SNX30: variants seen among roughly 807,000 people sequenced by gnomAD.
SNX30 encodes sorting nexin-30.
A neutral mutation model predicts 46.4 loss-of-function variants in SNX30; 24 were observed. The ratio of observed to expected loss-of-function variants is 0.52; its 90% confidence interval spans 0.37 to 0.73. The LOEUF is 0.73. SNX30 is among the 30% of genes least tolerant of loss of function. The pLI is 0.00. For missense variants in SNX30, 533 were observed against 555.7 expected, an observed-to-expected ratio of 0.96 and a Z score of 0.41; for synonymous variants, 189 against 211.5, an observed-to-expected ratio of 0.89 and a Z score of 0.92.
At chr9:112,854,469 T>C (rs1249929809) in intron 7 of SNX30, among the ~76,000 whole-genome samples, 1 of 152,236 alleles carries the variant, frequency 6.6e-6, no homozygotes, top group Non-Finnish European at 1.5e-5. Flanking sequence ...TGAAAATGAC[T>C]AGTCCGTCCT....
chr9:112,869,273 G>T lies in SNX30; in HGVS notation c.*430G>T, dbSNP rs879552196. ...GAACAGAAGGCAGCTGCTGCTTTCT[G>T]TGGAAACCTGGCCCCTCTGGAATTG... On this transcript the variant is annotated 3_prime_UTR_variant, in exon 9 of 9. Transcript: ENST00000374232. 9.7e-6 allele frequency: 2 copies of T among 205,586 alleles called. No homozygotes were observed. The highest frequency in any genetic ancestry group is 2.3e-5 in the African/African-American group (1 of 43,870). 12.7% of individuals were successfully genotyped at this position (205,586 alleles called of 1,614,324 possible).
chr9:112,844,835 T>G (rs2131470373), intron 6 of SNX30, among the ~76,000 whole-genome samples: 1 of 152,332 alleles, frequency 6.6e-6, no homozygotes, highest in East Asian at 1.9e-4. Context: ...TTCTTCAGCC[T>G]GCCCGCCCCT....
At chr9:112,819,266 CTT>C (rs35138610) in intron 3 of SNX30, among the ~76,000 whole-genome samples, 2 of 117,024 alleles carry the variant, frequency 1.7e-5, no homozygotes, top group Non-Finnish European at 1.7e-5. Flanking sequence ...TTCTTTCTTT[CTT>C]TTTTTTTTTT....
intron 1 of SNX30, among the ~76,000 whole-genome samples, chr9:112,772,854 T>A (rs145437747): frequency 1.7e-4 from 26 of 152,372 alleles, no homozygotes; most frequent in African/African-American, 6.0e-4. Flanking sequence ...CCATTTTAAA[T>A]TCTCCTTGTG....
intron 1 of SNX30, among the ~76,000 whole-genome samples, chr9:112,774,127 G>A (rs1839698699): frequency 6.6e-6 from 1 of 152,176 alleles, no homozygotes; most frequent in South Asian, 2.1e-4. Flanking sequence ...CGGGCACTGT[G>A]CTAGGTGCTG....
At chr9:112,834,951 G>A (rs1185550655) in intron 4 of SNX30, among the ~76,000 whole-genome samples, 1 of 150,712 alleles carries the variant, frequency 6.6e-6, no homozygotes, top group Non-Finnish European at 1.5e-5. Context: ...GAAGAAGGAA[G>A]TGAATTCACG....
intron 1 of SNX30, among the ~76,000 whole-genome samples, chr9:112,804,236 C>T (rs1380748462): frequency 2.6e-5 from 4 of 152,116 alleles, no homozygotes; most frequent in Non-Finnish European, 5.9e-5. Context: ...GCAGTCTCGG[C>T]TCACTGCAAC....
intron 1 of SNX30, 85 bp downstream of exon 1, chr9:112,751,242 G>C: frequency 7.8e-7 from 1 of 1,285,048 alleles, no homozygotes; most frequent in Non-Finnish European, 9.9e-7. Context: ...GTGGGCCTGG[G>C]GCCGCGCCCA....
At chr9:112,847,317 A>T (rs1202047067) in intron 6 of SNX30, among the ~76,000 whole-genome samples, 1 of 151,828 alleles carries the variant, frequency 6.6e-6, no homozygotes, top group Non-Finnish European at 1.5e-5. Flanking sequence ...CCCACTCATG[A>T]CTCATCTGGT....
Position 112,832,788 on chromosome 9 carries a change from T to TA in SNX30, c.618+1913dup, listed in dbSNP as rs566696495. Among the ~76,000 whole-genome samples the TA allele has an allele frequency of 8.9e-5, 13 of 145,796 alleles. No individual in the cohort carries two copies. In the East Asian group the frequency reaches 2.4e-3, roughly 27 times the overall value. Reference sequence around the variant, plus strand: ...ACTTAAAGTATAATAATAAAAAATTTAAAAAAAATTAGAAAAAATATATAT... The same window carrying TA: ...ACTTAAAGTATAATAATAAAAAATTTAAAAAAAAATTAGAAAAAATATATAT... On this transcript the variant is annotated intron_variant, in intron 4 of 8. Transcript: ENST00000374232.
rs1299197789 is a variant in SNX30, at chr9:112,873,328, A to G, written c.*4485A>G. 4 of 152,232 alleles carry G rather than the reference A, an allele frequency of 2.6e-5. No homozygotes were observed. The highest frequency in any genetic ancestry group is 9.6e-5 in the African/African-American group (4 of 41,458). 9.4% of individuals were successfully genotyped at this position (152,232 alleles called of 1,614,324 possible). On this transcript the variant is annotated 3_prime_UTR_variant, in exon 9 of 9. Coordinates refer to ENST00000374232, the MANE Select transcript of SNX30 (RefSeq NM_001012994.2). ...TTGAAAATCAACAAATCCAGAATTT[A>G]AAAAAATGCCACAGACTTTTCAAAG...
At chr9:112,772,510 T>TC (rs1839668576) in intron 1 of SNX30, among the ~76,000 whole-genome samples, 1 of 152,220 alleles carries the variant, frequency 6.6e-6, no homozygotes, top group Non-Finnish European at 1.5e-5. Flanking sequence ...TACTCGTGTG[T>TC]GCGTGTGGAG....
chr9:112,750,443 G>C (rs1033838519), upstream of SNX30: 5 of 152,304 alleles, frequency 3.3e-5, no homozygotes, highest in Admixed American at 3.3e-4. Context: ...AAGCGTGGCT[G>C]CTGGTGGGCG....
Position 112,869,157 on chromosome 9 carries a change from A to C in SNX30, c.*314A>C. On this transcript the variant is annotated 3_prime_UTR_variant, in exon 9 of 9. Transcript: ENST00000374232. Reference sequence around the variant, plus strand: ...GACAACCTGCAGCTGACGCTCTGACATTTCATGACAGTTTCCTCTTTAGGG... The same window carrying C: ...GACAACCTGCAGCTGACGCTCTGACCTTTCATGACAGTTTCCTCTTTAGGG... The C allele has an allele frequency of 6.6e-6, 2 of 304,460 alleles. No individual in the cohort carries two copies. Among genetic ancestry groups the C allele is most frequent in the East Asian group, 6.2e-5 (1 of 16,054 alleles). 18.9% of individuals were successfully genotyped at this position (304,460 alleles called of 1,614,324 possible).
At chr9:112,790,319 A>G (rs1291529074) in intron 1 of SNX30, among the ~76,000 whole-genome samples, 1 of 152,242 alleles carries the variant, frequency 6.6e-6, no homozygotes, top group African/African-American at 2.4e-5. Context: ...TGTACTAGTC[A>G]GCTTTGCTGT....
At chr9:112,784,086 C>T (rs902922750) in intron 1 of SNX30, among the ~76,000 whole-genome samples, 1 of 152,138 alleles carries the variant, frequency 6.6e-6, no homozygotes, top group African/African-American at 2.4e-5. Context: ...AACATGATTC[C>T]TCCTGGTGTG....
At chr9:112,859,415 CAT>C (rs555682455) in intron 7 of SNX30, among the ~76,000 whole-genome samples, 125 of 152,300 alleles carry the variant, frequency 8.2e-4, no homozygotes, top group African/African-American at 2.8e-3. Context: ...CTGCTATAAA[CAT>C]GTGTATACAA....
intron 1 of SNX30, among the ~76,000 whole-genome samples, chr9:112,777,772 C>T (rs1034196852): frequency 2.0e-5 from 3 of 151,956 alleles, no homozygotes; most frequent in African/African-American, 7.3e-5. Flanking sequence ...ATAGTATTAA[C>T]AGCAACAGCT....
downstream of SNX30, chr9:112,885,739 AAT>A (rs1197957536): frequency 1.3e-5 from 2 of 152,296 alleles, no homozygotes; most frequent in African/African-American, 4.8e-5. Flanking sequence ...TTGCATGTCA[AAT>A]ATGTTATTAA....
Sources: allele counts gnomAD v4.1 joint callset (sites outside exome capture counted in the v4.1 genomes callset), GRCh38; gene constraint gnomAD v4.1.1; transcripts MANE v1.5; gene names NCBI Gene and HGNC (gene_info 2026-07-23, HGNC 2026-07-21).